Variants in GRM8 observed in about 807,000 individuals in gnomAD.
GRM8 encodes glutamate metabotropic receptor 8.
In GRM8, 47 loss-of-function variants were observed where a neutral mutation model predicts 87.2. That is an observed-to-expected ratio of 0.54 (90% confidence interval 0.43 to 0.69). GRM8 has a LOEUF of 0.69. Ranked by LOEUF, GRM8 falls within the 30% of genes least tolerant of loss-of-function variation. The pLI is 0.00. For missense variants in GRM8, 1,019 were observed against 1,139.2 expected (o/e 0.89, Z 1.52); for synonymous variants, 396 against 404.5 (o/e 0.98, Z 0.25).
chr7:126,611,058 G>C lies in GRM8; in HGVS notation c.1358-1560C>G, dbSNP rs539450955. Among the ~76,000 whole-genome samples the C allele has an allele frequency of 1.6e-4, 24 of 152,266 alleles. No individual in the cohort carries two copies. The South Asian group carries it at 4.6e-3, about 29-fold the overall frequency. ...TAAATTTTGAAGTCCTAAAAGAGCT[G>C]TAAATATGTACATTATTATTACTAT... On this transcript the variant is annotated intron_variant, in intron 7 of 10. Transcript: ENST00000339582.
chr7:126,485,407 T>G (rs1807242898), intron 9 of GRM8, among the ~76,000 whole-genome samples: 1 of 151,096 alleles, frequency 6.6e-6, no homozygotes. Flanking sequence ...GGGAGGAAAA[T>G]AGCACAAGCT....
intron 6 of GRM8, among the ~76,000 whole-genome samples, chr7:126,829,051 A>G (rs1795093940): frequency 6.6e-6 from 1 of 152,114 alleles, no homozygotes; most frequent in South Asian, 2.1e-4. Flanking sequence ...GTATGATCGC[A>G]CTGTGGTCTG....
intron 7 of GRM8, among the ~76,000 whole-genome samples, chr7:126,641,216 C>T (rs1802348691): frequency 6.6e-6 from 1 of 152,062 alleles, no homozygotes; most frequent in Admixed American, 6.6e-5. Flanking sequence ...CTCTTTGTCC[C>T]CAGTGCAATG....
rs2088209355 is a variant in GRM8, at chr7:126,881,943, AC to A, written c.1156+20598del. Among the ~76,000 whole-genome samples the A allele has an allele frequency of 2.6e-5, 4 of 152,254 alleles. No homozygotes were observed. The South Asian group carries it at 8.3e-4, about 32-fold the overall frequency. ...ATAATAAAAGAATGAGTCATAAAAG[AC>A]AAGAATCAATGAGTGTTAATGGTCA... On this transcript the variant is annotated intron_variant, in intron 6 of 10. Transcript: ENST00000339582.
At chr7:127,182,631 TG>T (rs1299031550) in intron 2 of GRM8, among the ~76,000 whole-genome samples, 27 of 115,866 alleles carry the variant, frequency 2.3e-4, no homozygotes, top group African/African-American at 9.2e-4. Context: ...AAAGAAAGTG[TG>T]GTGTGTGTGT....
chr7:126,727,984 C>T (rs762233058), intron 7 of GRM8, among the ~76,000 whole-genome samples: 5 of 152,096 alleles, frequency 3.3e-5, no homozygotes, highest in Non-Finnish European at 5.9e-5. Context: ...GATTGACATG[C>T]TGAAAGGGGC....
intron 7 of GRM8, among the ~76,000 whole-genome samples, chr7:126,619,415 C>T (rs966799071): frequency 1.1e-4 from 16 of 151,858 alleles, no homozygotes; most frequent in Non-Finnish European, 2.9e-5. Flanking sequence ...AAGAGATATA[C>T]CGACAAGTTA....
At chr7:127,011,396 T>C (rs1421443721) in intron 3 of GRM8, among the ~76,000 whole-genome samples, 1 of 152,136 alleles carries the variant, frequency 6.6e-6, no homozygotes, top group Non-Finnish European at 1.5e-5. Flanking sequence ...TTCTAAGCTG[T>C]TATCCTTCAC....
chr7:127,151,657 G>A (rs913687596), intron 2 of GRM8, among the ~76,000 whole-genome samples: 10 of 151,950 alleles, frequency 6.6e-5, no homozygotes, highest in Admixed American at 5.2e-4. Flanking sequence ...TTTCTACTGG[G>A]ATTTTAAGAA....
chr7:126,691,811 A>G (rs1394274424), intron 7 of GRM8, among the ~76,000 whole-genome samples: 3 of 152,166 alleles, frequency 2.0e-5, no homozygotes, highest in African/African-American at 7.2e-5. Flanking sequence ...GCTGGGTGAA[A>G]GAGACACCAA....
At chr7:127,182,070 G>T (rs567698477) in intron 2 of GRM8, among the ~76,000 whole-genome samples, 28 of 152,080 alleles carry the variant, frequency 1.8e-4, no homozygotes, top group Non-Finnish European at 2.8e-4. Context: ...CCACAAAGGG[G>T]GAGAAAATCT....
At chr7:126,688,839 C>A (rs889725760) in intron 7 of GRM8, among the ~76,000 whole-genome samples, 1 of 151,830 alleles carries the variant, frequency 6.6e-6, no homozygotes, top group Non-Finnish European at 1.5e-5. Flanking sequence ...TCTCTCAGTT[C>A]CCTGGACAAT....
At chr7:126,578,221 A>G (rs1196018696) in intron 8 of GRM8, among the ~76,000 whole-genome samples, 2 of 152,184 alleles carry the variant, frequency 1.3e-5, no homozygotes, top group African/African-American at 4.8e-5. Flanking sequence ...TCTGACATGT[A>G]GGTTTTTTAA....
Position 127,206,670 on chromosome 7 carries a change from T to C in GRM8, c.510+36025A>G, listed in dbSNP as rs115865514. Among the ~76,000 whole-genome samples, 433 of 152,218 alleles carry C rather than the reference T, an allele frequency of 2.8e-3. 3 individuals carry two copies. Among genetic ancestry groups the C allele is most frequent in the African/African-American group, 9.9e-3 (411 of 41,536 alleles). The stretch of plus-strand genomic sequence containing the variant: ...ATGTCAAATGCATGTCCAATAGGCT[T>C]CCACAGCAATCTTCTCATCTGTAAT... On this transcript the variant is annotated intron_variant, in intron 2 of 10. Coordinates refer to ENST00000339582, the MANE Select transcript of GRM8 (RefSeq NM_000845.3).
Position 126,951,188 on chromosome 7 carries a change from A to G in GRM8, c.728-46505T>C, listed in dbSNP as rs17866204. The stretch of plus-strand genomic sequence containing the variant: ...TATATTATGTTACTCCTTGTATAAG[A>G]AAAGTGATTATAAGAAAACACATAC... On this transcript the variant is annotated intron_variant, in intron 3 of 10. Transcript: ENST00000339582. Among the ~76,000 whole-genome samples the G allele has an allele frequency of 9.6e-3, 1,459 of 152,268 alleles. 27 individuals are homozygous for G. Among genetic ancestry groups the G allele is most frequent in the African/African-American group, 0.033 (1,387 of 41,572 alleles).
chr7:126,830,475 T>C (rs1218320684), intron 6 of GRM8, among the ~76,000 whole-genome samples: 2 of 152,246 alleles, frequency 1.3e-5, no homozygotes, highest in African/African-American at 2.4e-5. Context: ...ACTAATACCC[T>C]GTCTTCCAGT....
At chr7:126,712,501 C>T (rs1391190714) in intron 7 of GRM8, among the ~76,000 whole-genome samples, 3 of 152,136 alleles carry the variant, frequency 2.0e-5, no homozygotes. Context: ...AAATAGAGTT[C>T]TCACAAAAAT....
intron 6 of GRM8, among the ~76,000 whole-genome samples, chr7:126,882,409 A>G (rs1242914132): frequency 2.0e-5 from 3 of 152,142 alleles, no homozygotes; most frequent in Non-Finnish European, 2.9e-5. Context: ...CTAAGGGGGT[A>G]AGGAAGAGGT....
chr7:126,540,585 A>G (rs1311204576), intron 8 of GRM8, among the ~76,000 whole-genome samples: 6 of 152,230 alleles, frequency 3.9e-5, no homozygotes, highest in African/African-American at 1.4e-4. Context: ...TGGTATATCT[A>G]TATTACTTAG....
Sources: allele counts gnomAD v4.1 joint callset (sites outside exome capture counted in the v4.1 genomes callset), GRCh38; gene constraint gnomAD v4.1.1; transcripts MANE v1.5; gene names NCBI Gene and HGNC (gene_info 2026-07-23, HGNC 2026-07-21).